Variants in AOX1 observed in about 807,000 individuals in gnomAD.
AOX1 encodes the protein aldehyde oxidase 1.
A neutral mutation model predicts 169.5 loss-of-function variants in AOX1; 153 were observed. The ratio of observed to expected loss-of-function variants is 0.90; its 90% CI spans 0.79 to 1.03. The LOEUF (loss-of-function observed/expected upper bound fraction) is 1.03. Ranked by LOEUF, AOX1 falls within the 50% of genes least tolerant of loss-of-function variation. The probability of loss-of-function intolerance (pLI) is 0.00; values close to 1 mark genes in which losing one functional copy is unlikely to be tolerated. For synonymous variants in AOX1, 562 were observed against 581.9 expected, an observed-to-expected ratio of 0.97 and a Z score of 0.49; for missense variants, 1,656 against 1,663.9, an observed-to-expected ratio of 1.00 and a Z score of 0.08.
At chr2:200,675,632 T>A (rs1237076133), downstream of AOX1, among the ~76,000 whole-genome samples, 1 of 152,184 alleles carries the variant, frequency 6.6e-6, no homozygotes, top group Non-Finnish European at 1.5e-5. Flanking sequence ...GTCCAAGGAT[T>A]TTCATGGCAG....
intron 16 of AOX1, among the ~76,000 whole-genome samples, chr2:200,616,548 G>A (rs749688981): frequency 6.6e-6 from 1 of 152,228 alleles, no homozygotes; most frequent in Non-Finnish European, 1.5e-5. Context: ...TACTCCCTTA[G>A]TCTCTATTCT....
chr2:200,642,036 G>A (rs967438073), intron 24 of AOX1, among the ~76,000 whole-genome samples: 1 of 152,106 alleles, frequency 6.6e-6, no homozygotes, highest in Admixed American at 6.5e-5. Flanking sequence ...GGCTGAGGCA[G>A]GAGAATCACT....
intron 10 of AOX1, among the ~76,000 whole-genome samples, chr2:200,606,267 C>G (rs1304027506): frequency 1.3e-5 from 2 of 152,130 alleles, no homozygotes; most frequent in Non-Finnish European, 2.9e-5. Context: ...TTGTTTTTGT[C>G]AAGTTTGTCA....
At chr2:200,617,538 A>G (rs1483975304) in intron 16 of AOX1, among the ~76,000 whole-genome samples, 1 of 151,190 alleles carries the variant, frequency 6.6e-6, no homozygotes, top group African/African-American at 2.4e-5. Context: ...GGACAAAGAC[A>G]TTTTTTGGAA....
chr2:200,604,023 C>A lies in AOX1; in HGVS notation c.595C>A (p.Pro199Thr). Residue 199 changes from proline (P) to threonine (T), a missense_variant, in exon 8 of 35, where the codon CCA (proline) becomes ACA (threonine). Transcript: ENST00000374700. ...PEFEEGSKTSPKLFAEEEFLP... is the reference protein window; with the variant it reads ...PEFEEGSKTSTKLFAEEEFLP... ...TGATATGTTCTCTTTTTAGACAAGT[C>A]CAAAACTCTTCGCAGAAGAGGAGTT... 1 of 1,610,114 alleles carries A rather than the reference C, an allele frequency of 6.2e-7. No homozygotes were observed. Among genetic ancestry groups the A allele is most frequent in the Non-Finnish European group, 8.5e-7 (1 of 1,176,420 alleles).
chr2:200,656,857 C>T lies in AOX1; in HGVS notation c.3091C>T (p.His1031Tyr). 1 of 1,581,642 alleles carries T rather than the reference C, an allele frequency of 6.3e-7. No individual in the cohort carries two copies. The highest frequency in any genetic ancestry group is 8.6e-7 in the Non-Finnish European group (1 of 1,163,182). ...RAAGQAAALVHIYLDGSVLVT... is the reference protein window; with the variant it reads ...RAAGQAAALVYIYLDGSVLVT... ...TTCTGCTCAGGCTGCTGCCTTGGTT[C>T]ACATTTATCTTGATGGCTCTGTGCT... Residue 1031 changes from histidine to tyrosine, a missense_variant, in exon 27 of 35, where the codon CAC (histidine) becomes TAC (tyrosine). Transcript: ENST00000374700.
chr2:200,672,168 G>A (rs965115508), downstream of AOX1, among the ~76,000 whole-genome samples: 5 of 152,212 alleles, frequency 3.3e-5, no homozygotes, highest in Admixed American at 2.6e-4. Flanking sequence ...ATGGATATGG[G>A]ATTCCTTTTC....
At position 200,599,724 on chromosome 2, in the gene AOX1, T is replaced by A; in HGVS notation, c.414T>A (p.Asp138Glu). The A allele has an allele frequency of 6.2e-7, 1 of 1,604,610 alleles. No individual in the cohort carries two copies. The highest frequency in any genetic ancestry group is 1.3e-5 in the African/African-American group (1 of 74,560). The change falls in exon 5 of 35, where the codon GAT becomes GAA. Residue 138 changes from aspartate (D) to glutamate (E), a missense_variant. Physicochemically the swap from Asp to Glu is conservative, Grantham distance 45 (BLOSUM62 2). Transcript: ENST00000374700. ...LLRNHPEPTL[D>E]QLTDALGGNL... The stretch of plus-strand genomic sequence containing the variant: ...GGAACCACCCAGAGCCCACTCTGGA[T>A]CAGTTAACTGATGCCCTTGGTGGTA...
chr2:200,664,083 A>G (rs1391670103), intron 31 of AOX1, among the ~76,000 whole-genome samples: 3 of 151,868 alleles, frequency 2.0e-5, no homozygotes, highest in Non-Finnish European at 4.4e-5. Flanking sequence ...GCAGCCCTAC[A>G]CTACTAGGGA....
intron 19 of AOX1, among the ~76,000 whole-genome samples, chr2:200,626,727 A>G (rs1986414): frequency 0.9 from 136,856 of 152,282 alleles, 62,280 homozygotes; most frequent in East Asian, 0.97. Flanking sequence ...GCTCATCCCC[A>G]CAAAGAAGGA....
chr2:200,655,807 G>A (rs2035670803), intron 26 of AOX1, among the ~76,000 whole-genome samples: 1 of 152,304 alleles, frequency 6.6e-6, no homozygotes, highest in East Asian at 1.9e-4. Context: ...CTTCTGATGG[G>A]CAGAGAATTG....
chr2:200,669,082 A>G (rs1574967524), intron 33 of AOX1, among the ~76,000 whole-genome samples: 3 of 152,188 alleles, frequency 2.0e-5, no homozygotes, highest in African/African-American at 7.2e-5. Flanking sequence ...TATGTAGGTC[A>G]TTTCCTGAGG....
intron 25 of AOX1, among the ~76,000 whole-genome samples, chr2:200,649,359 G>C (rs1004670144): frequency 6.6e-6 from 1 of 152,112 alleles, no homozygotes; most frequent in African/African-American, 2.4e-5. Context: ...ATCTTCTCCT[G>C]CAAACAGAAT....
chr2:200,644,196 G>C (rs183703043), intron 25 of AOX1, among the ~76,000 whole-genome samples: 1 of 152,264 alleles, frequency 6.6e-6, no homozygotes, highest in East Asian at 1.9e-4. Context: ...AATAGTTTCA[G>C]GTCTTAGGTT....
At chr2:200,654,443 T>C (rs1011979697) in intron 26 of AOX1, among the ~76,000 whole-genome samples, 2 of 152,240 alleles carry the variant, frequency 1.3e-5, no homozygotes, top group Non-Finnish European at 2.9e-5. Context: ...GTACACTTAA[T>C]AGAGTACAGT....
chr2:200,615,655 A>G (rs2034739995), intron 15 of AOX1, among the ~76,000 whole-genome samples: 1 of 152,174 alleles, frequency 6.6e-6, no homozygotes. Context: ...TTCTTGTTGG[A>G]TCAGTTTGTA....
At chr2:200,630,210 T>TAAAAAAAAAAAAA (rs57410809) in intron 20 of AOX1, among the ~76,000 whole-genome samples, 5 of 95,526 alleles carry the variant, frequency 5.2e-5, no homozygotes, top group African/African-American at 2.3e-4. Context: ...TCCTTCTATT[T>TAAAAAAAAAAAAA]AAAAAAAAAA....
At chr2:200,592,305 G>A (rs1025248418) in intron 1 of AOX1, among the ~76,000 whole-genome samples, 2 of 152,198 alleles carry the variant, frequency 1.3e-5, no homozygotes, top group Non-Finnish European at 2.9e-5. Context: ...AGCAGCCCTA[G>A]AATAAGCATA....
Position 200,586,050 on chromosome 2 carries a change from G to C in AOX1, c.-59G>C. ...CGGTGCCGCCGGGTCCCAGGTGCCC[G>C]CTACTTCCCAGAACCTCCGCCTCCC... On this transcript the variant is annotated 5_prime_UTR_variant, in exon 1 of 35. Transcript: ENST00000374700. 6.5e-7 allele frequency: 1 copy of C among 1,542,272 alleles called. No homozygotes were observed. The highest frequency in any genetic ancestry group is 8.7e-7 in the Non-Finnish European group (1 of 1,143,980).
Sources: gnomAD v4.1 joint callset for allele counts (sites outside exome capture counted in the v4.1 genomes callset) on GRCh38, gnomAD v4.1.1 for gene constraint, MANE v1.5 for transcripts, NCBI Gene and HGNC (gene_info 2026-07-23, HGNC 2026-07-21) for gene names.